The following CADPS2 variants were observed in gnomAD, a reference collection of about 807,000 sequenced individuals.
CADPS2 encodes calcium dependent secretion activator 2.
Under a neutral mutation model 172.5 loss-of-function variants are expected in CADPS2, and 93 were observed. The ratio of observed to expected loss-of-function variants is 0.54; its 90% CI spans 0.46 to 0.64. The LOEUF (loss-of-function observed/expected upper bound fraction) is 0.64. CADPS2 is among the 30% of genes least tolerant of loss of function. The pLI is 0.00. For missense variants in CADPS2, 1,420 were observed against 1,565.9 expected (o/e 0.91, Z 1.57); for synonymous variants, 546 against 555.2 (o/e 0.98, Z 0.23).
intron 1 of CADPS2, among the ~76,000 whole-genome samples, chr7:122,755,995 T>C (rs73719765): frequency 0.017 from 2,643 of 152,288 alleles, 73 homozygotes; most frequent in African/African-American, 0.06. Context: ...ATGTGAAAAG[T>C]GGGATCAGAA....
intron 1 of CADPS2, among the ~76,000 whole-genome samples, chr7:122,868,623 G>A (rs1818905829): frequency 6.6e-6 from 1 of 152,156 alleles, no homozygotes; most frequent in Non-Finnish European, 1.5e-5. Context: ...AGACAGGAAG[G>A]GGTGGTTCTC....
At chr7:122,583,664 A>C (rs1449366151) in intron 6 of CADPS2, among the ~76,000 whole-genome samples, 1 of 151,092 alleles carries the variant, frequency 6.6e-6, no homozygotes. Context: ...TATGAAGGAG[A>C]TATTGTACGT....
chr7:122,392,151 A>G (rs934773466), intron 22 of CADPS2, among the ~76,000 whole-genome samples: 5 of 152,256 alleles, frequency 3.3e-5, no homozygotes, highest in Admixed American at 2.0e-4. Flanking sequence ...ATCTTGGGCA[A>G]AGCAGGTAAC....
At chr7:122,397,797 G>C (rs1242729747) in intron 20 of CADPS2, among the ~76,000 whole-genome samples, 1 of 152,098 alleles carries the variant, frequency 6.6e-6, no homozygotes, top group Admixed American at 6.5e-5. Flanking sequence ...ACAGTTCATT[G>C]TAAGAGGCAA....
intron 1 of CADPS2, among the ~76,000 whole-genome samples, chr7:122,746,315 AACAT>A (rs1364877989): frequency 6.6e-6 from 1 of 152,192 alleles, no homozygotes; most frequent in African/African-American, 2.4e-5. Flanking sequence ...AATCCAAGTT[AACAT>A]ACGTTTTAAG....
chr7:122,605,842 TCATGTATC>T (rs1409087271), intron 6 of CADPS2, among the ~76,000 whole-genome samples: 1 of 152,128 alleles, frequency 6.6e-6, no homozygotes, highest in Non-Finnish European at 1.5e-5. Context: ...TCCAATTAGT[TCATGTATC>T]CATAGATTGA....
In CADPS2 at chr7:122,554,681, T is replaced by C. The variant is rs758083207; in HGVS notation, c.1344A>G (p.Leu448=). 3 of 1,603,052 alleles carry C rather than the reference T, an allele frequency of 1.9e-6. No homozygotes were observed. In the African/African-American group the frequency reaches 4.0e-5, roughly 22 times the overall value. The change falls in exon 8 of 30, where the codon TTA becomes TTG. Residue 448 remains leucine (L), a synonymous_variant. Coordinates refer to ENST00000449022, the MANE Select transcript of CADPS2 (RefSeq NM_017954.11). ...LEDKELGRVI[L]YPTSNSSKSA... ...ATTTGGAGCTATTAGAAGTTGGGTA[T>C]AATATCACCTGTATGGAAAAAAAAA... is the stretch of plus-strand genomic sequence containing the variant.
intron 1 of CADPS2, among the ~76,000 whole-genome samples, chr7:122,743,346 T>C (rs1467823065): frequency 6.6e-6 from 1 of 152,218 alleles, no homozygotes; most frequent in Non-Finnish European, 1.5e-5. Context: ...GATTTCATCC[T>C]TTTCATTCTG....
At chr7:122,762,027 TATACACACAC>T (rs1298872141) in intron 1 of CADPS2, among the ~76,000 whole-genome samples, 902 of 69,798 alleles carry the variant, frequency 0.013, 14 homozygotes, top group African/African-American at 0.046. Context: ...TATATATATA[TATACACACAC>T]ACACACACAC....
chr7:122,662,985 A>G (rs959286412), intron 3 of CADPS2, among the ~76,000 whole-genome samples: 2 of 152,200 alleles, frequency 1.3e-5, no homozygotes, highest in African/African-American at 4.8e-5. Flanking sequence ...GCACAAATCT[A>G]ATGTCCTACA....
intron 19 of CADPS2, among the ~76,000 whole-genome samples, chr7:122,411,831 C>T (rs1270150299): frequency 2.0e-5 from 3 of 152,158 alleles, no homozygotes; most frequent in African/African-American, 7.2e-5. Context: ...GACGAATGAA[C>T]AGGTGACACC....
At chr7:122,822,654 T>C (rs1584659068) in intron 1 of CADPS2, among the ~76,000 whole-genome samples, 2 of 150,002 alleles carry the variant, frequency 1.3e-5, no homozygotes, top group African/African-American at 2.5e-5. Flanking sequence ...GAAGTGAATA[T>C]GCCCTGCCCC....
intron 5 of CADPS2, among the ~76,000 whole-genome samples, chr7:122,620,484 C>T (rs2075470503): frequency 6.6e-6 from 1 of 151,888 alleles, no homozygotes; most frequent in African/African-American, 2.4e-5. Flanking sequence ...CTAGATAAGC[C>T]CACATACACA....
intron 1 of CADPS2, among the ~76,000 whole-genome samples, chr7:122,790,026 GTGTTTTTTT>G (rs1030961397): frequency 1.4e-5 from 2 of 141,076 alleles, no homozygotes; most frequent in African/African-American, 5.3e-5. Context: ...CAAATATTAA[GTGTTTTTTT>G]TTTTTTTTTT....
intron 5 of CADPS2, among the ~76,000 whole-genome samples, chr7:122,621,165 G>A (rs1338983030): frequency 6.6e-6 from 1 of 151,992 alleles, no homozygotes; most frequent in Non-Finnish European, 1.5e-5. Flanking sequence ...GCCTCCCAAA[G>A]TGCTGGGATT....
chr7:122,698,403 G>A, intron 2 of CADPS2: 1 of 1,613,964 alleles, frequency 6.2e-7, no homozygotes, highest in Non-Finnish European at 8.5e-7. Flanking sequence ...CGGCTGTAAT[G>A]AGAACTCCCT....
chr7:122,321,483 TTTTC>T (rs753324753), intron 29 of CADPS2, among the ~76,000 whole-genome samples: 23 of 152,044 alleles, frequency 1.5e-4, no homozygotes, highest in Admixed American at 2.0e-4. Flanking sequence ...TACTTTTTTC[TTTTC>T]TTTTTTTTGT....
chr7:122,539,753 C>CTGTCTCTCCCTGTCTGTT (rs1563639604), intron 8 of CADPS2, among the ~76,000 whole-genome samples: 1 of 151,534 alleles, frequency 6.6e-6, no homozygotes, highest in African/African-American at 2.4e-5. Context: ...CTCTCTCTGT[C>CTGTCTCTCCCTGTCTGTT]TCTCTCTGTC....
At chr7:122,490,417 G>T in intron 10 of CADPS2, 136 bp from the exon 11 acceptor site, 1 of 657,020 alleles carries the variant, frequency 1.5e-6, no homozygotes, top group East Asian at 2.7e-5. Flanking sequence ...TTAGTTTAAA[G>T]GATCAAATCC....
Sources: allele counts gnomAD v4.1 joint callset (sites outside exome capture counted in the v4.1 genomes callset), GRCh38; gene constraint gnomAD v4.1.1; transcripts MANE v1.5; gene names NCBI Gene and HGNC (gene_info 2026-07-23, HGNC 2026-07-21).